DNAH10: variants seen among roughly 807,000 people sequenced by gnomAD.
The protein encoded by DNAH10 is dynein axonemal heavy chain 10.
A neutral mutation model predicts 506.6 loss-of-function variants in DNAH10; 348 were observed. That is an observed-to-expected ratio of 0.69 (90% confidence interval 0.63 to 0.75). The LOEUF (loss-of-function observed/expected upper bound fraction) is 0.75, where lower values mean the gene tolerates loss of function less well. Ranked by LOEUF, DNAH10 falls within the 30% of genes least tolerant of loss-of-function variation. DNAH10 has a pLI of 0.00. For synonymous variants in DNAH10, 2,059 were observed against 2,198.6 expected, an observed-to-expected ratio of 0.94 and a Z score of 1.78; for missense variants, 5,179 against 5,787.1, an observed-to-expected ratio of 0.89 and a Z score of 3.41.
chr12:123,772,663 G>A (rs544236198), intron 3 of DNAH10, among the ~76,000 whole-genome samples, 171 bp from the exon 4 acceptor site: 2 of 152,326 alleles, frequency 1.3e-5, no homozygotes, highest in African/African-American at 4.8e-5. Flanking sequence ...GAGTCTGGGT[G>A]CATTTAGCTC....
chr12:123,796,956 C>T (rs962381411), intron 13 of DNAH10, 124 bp downstream of exon 13: 66 of 816,750 alleles, frequency 8.1e-5, no homozygotes, highest in Non-Finnish European at 1.0e-4. Context: ...CTGCAACCTC[C>T]GCCTCCCAGG....
chr12:123,930,482 C>A lies in DNAH10; in HGVS notation c.12693C>A (p.Phe4231Leu). Residue 4231 changes from phenylalanine to leucine, a missense_variant, in exon 73 of 79, where the codon TTC becomes TTA. By Grantham distance (22) the Phe-to-Leu change is conservative. Around this residue, in one of 3 missense-constraint regions of DNAH10, gnomAD observed 4,844 missense variants for 5,430.5 expected, o/e 0.89. Transcript: ENST00000673944. The stretch of plus-strand genomic sequence containing the variant: ...ACATGGATGAGTACCTGGGGGACTT[C>A]ATTTTTGATACTTTCCAGCCATTCC... ...TIYMDEYLGD[F>L]IFDTFQPFHF... 1 of 1,611,484 alleles carries A rather than the reference C, an allele frequency of 6.2e-7. No individual in the cohort carries two copies. Among genetic ancestry groups the A allele is most frequent in the Non-Finnish European group, 8.5e-7 (1 of 1,179,180 alleles).
At chr12:123,897,675 T>C in intron 54 of DNAH10, 95 bp from the exon 55 acceptor site, 1 of 1,333,680 alleles carries the variant, frequency 7.5e-7, no homozygotes, top group Non-Finnish European at 1.0e-6. Context: ...CAGTGAGCCA[T>C]GATCACGCCA....
Position 123,802,512 on chromosome 12 carries a change from G to T in DNAH10, c.2614+1080G>T, listed in dbSNP as rs145700350. 1.1e-3 allele frequency among the ~76,000 whole-genome samples: 171 copies of T among 152,242 alleles called. 1 individual carries two copies. The highest frequency in any genetic ancestry group is 3.3e-3 in the African/African-American group (136 of 41,534). On this transcript the variant is annotated intron_variant, in intron 16 of 78. Coordinates refer to ENST00000673944, the MANE Select transcript of DNAH10 (RefSeq NM_001372106.1). The stretch of plus-strand genomic sequence containing the variant: ...GTAGAGATGGGGTTTTGCCATGTTG[G>T]CCAGGCTGATCTTGAACTCCTGGCC...
intron 18 of DNAH10, among the ~76,000 whole-genome samples, chr12:123,805,839 T>C (rs1269839590): frequency 2.0e-5 from 3 of 150,938 alleles, no homozygotes; most frequent in African/African-American, 4.9e-5. Flanking sequence ...TGCAGTGGCA[T>C]GATCTCGGCT....
At chr12:123,835,288 G>T (rs1594145895) in intron 27 of DNAH10, 118 bp from the exon 28 acceptor site, 1 of 1,183,136 alleles carries the variant, frequency 8.5e-7, no homozygotes, top group East Asian at 2.5e-5. Flanking sequence ...CACCTTGCCT[G>T]GAAGGTCCTC....
In DNAH10 at chr12:123,853,958, G is replaced by T. The variant is rs1951286062; in HGVS notation, c.6438+606G>T. Among the ~76,000 whole-genome samples the T allele has an allele frequency of 6.6e-6, 1 of 151,042 alleles. No homozygotes were observed. The highest frequency in any genetic ancestry group is 6.6e-5 in the Admixed American group (1 of 15,200). ...CGCACACGCACACACACACACATTTGGGTAGTAAAAAAAAAACAGCCGTGA... is the reference window on the plus strand; with the variant it reads ...CGCACACGCACACACACACACATTTTGGTAGTAAAAAAAAAACAGCCGTGA... On this transcript the variant is annotated intron_variant, in intron 36 of 78. Transcript: ENST00000673944. The surrounding 1 kb of genome is among the most constrained non-coding windows in gnomAD (Gnocchi z 4.7).
chr12:123,845,479 A>T, intron 30 of DNAH10, 121 bp from the exon 31 acceptor site: 1 of 1,332,414 alleles, frequency 7.5e-7, no homozygotes, highest in Non-Finnish European at 1.0e-6. Context: ...GCACTTGCTT[A>T]CCTAAAACCT....
At chr12:123,875,620 T>C in intron 47 of DNAH10, 129 bp downstream of exon 47, 1 of 1,151,408 alleles carries the variant, frequency 8.7e-7, no homozygotes, top group Non-Finnish European at 1.2e-6. Context: ...CCTATGAAAA[T>C]GTTTTAATTT....
At chr12:123,894,082 CTTTTTTTTTTTTTT>C (rs558490981) in intron 53 of DNAH10, among the ~76,000 whole-genome samples, 1 of 89,158 alleles carries the variant, frequency 1.1e-5, no homozygotes, top group Non-Finnish European at 2.2e-5. Context: ...AATGAGCATC[CTTTTTTTTTTTTTT>C]TTTTTTTTTT....
rs368131007 is a variant in DNAH10 at position 123,781,183 on chromosome 12, C to T, written c.725C>T (p.Pro242Leu). ...SNSSEHESDL[P>L]PMPGEAVEYH... ...TCCTCTGAGCATGAATCAGACCTGCCGCCCATGCCTGGGGAGGCAGTAGAA... is the reference window on the plus strand; with the variant it reads ...TCCTCTGAGCATGAATCAGACCTGCTGCCCATGCCTGGGGAGGCAGTAGAA... Residue 242 changes from proline (P) to leucine (L), a missense_variant, in exon 6 of 79, where the codon CCG (proline) becomes CTG (leucine). Physicochemically the swap from Pro to Leu is moderately conservative, Grantham distance 98. Coordinates refer to ENST00000673944, the MANE Select transcript of DNAH10 (RefSeq NM_001372106.1). 39 of 1,613,938 alleles carry T rather than the reference C, an allele frequency of 2.4e-5. No individual in the cohort carries two copies. The highest frequency in any genetic ancestry group is 1.2e-4 in the Admixed American group (7 of 59,994).
intron 52 of DNAH10, among the ~76,000 whole-genome samples, chr12:123,888,736 C>A (rs921840964): frequency 6.6e-6 from 1 of 152,184 alleles, no homozygotes; most frequent in African/African-American, 2.4e-5. Flanking sequence ...GAGATGCCAC[C>A]TACCTTATCC....
Position 123,913,255 on chromosome 12 carries a change from TG to T in DNAH10, c.10294del (p.Glu3432ArgfsTer4). 1 of 1,609,044 alleles carries T rather than the reference TG, an allele frequency of 6.2e-7. No individual in the cohort carries two copies. Among genetic ancestry groups the T allele is most frequent in the South Asian group, 1.1e-5 (1 of 90,156 alleles). On this transcript the variant is annotated frameshift_variant, in exon 60 of 79. Coordinates refer to ENST00000673944, the MANE Select transcript of DNAH10 (RefSeq NM_001372106.1). LOFTEE classifies it high-confidence loss of function. The surrounding 1 kb of genome is among the most constrained non-coding windows in gnomAD (Gnocchi z 5.1). ...AAGCTGCAGGAAGAAGCCGAGATCA[TG>T]GAGAGGCGGCTGATTGCCGCAGACA... ...KQKLQEEAEIMERRLIAADKL... is the reference protein window; with the variant it reads ...KQKLQEEAEIXERRLIAADKL...
intron 56 of DNAH10, among the ~76,000 whole-genome samples, chr12:123,901,847 G>C (rs980725978): frequency 1.3e-5 from 2 of 152,170 alleles, no homozygotes; most frequent in African/African-American, 4.8e-5. Context: ...TTTTAGTAGA[G>C]ACGGGGTTTC....
At chr12:123,930,707 G>A (rs1017840804) in intron 73 of DNAH10, 134 bp downstream of exon 73, 5 of 854,740 alleles carry the variant, frequency 5.8e-6, no homozygotes, top group Admixed American at 3.5e-5. Context: ...TAGGTGGCTC[G>A]GCAGACGCTT....
chr12:123,928,978 GTC>G lies in DNAH10; in HGVS notation c.12307-281_12307-280del, dbSNP rs35228838. ...TTTTGGAAAGGTTTTGTCATTCTCT[GTC>G]TCTCTCTCTCTCTCTGGGGAGGTGG... On this transcript the variant is annotated intron_variant, in intron 70 of 78. Coordinates refer to ENST00000673944, the MANE Select transcript of DNAH10 (RefSeq NM_001372106.1). The surrounding 1 kb of genome is among the most constrained non-coding windows in gnomAD (Gnocchi z 4.9). The G allele has an allele frequency of 0.043, 18,745 of 433,676 alleles. No individual in the cohort carries two copies. The highest frequency in any genetic ancestry group is 0.074 in the South Asian group (2,045 of 27,494). 26.9% of individuals were successfully genotyped at this position (433,676 alleles called of 1,614,324 possible).
intron 66 of DNAH10, 92 bp from the exon 67 acceptor site, chr12:123,924,186 G>T: frequency 1.1e-5 from 16 of 1,452,876 alleles, no homozygotes; most frequent in Non-Finnish European, 1.5e-5. Flanking sequence ...TTGAAAAGTG[G>T]ACTTTTCCCA....
In DNAH10 at chr12:123,846,836, A is replaced by G. The variant is rs1284637060; in HGVS notation, c.5814+682A>G. On this transcript the variant is annotated intron_variant, in intron 32 of 78. Transcript: ENST00000673944. The surrounding 1 kb of genome is among the most constrained non-coding windows in gnomAD (Gnocchi z 4.5). The stretch of plus-strand genomic sequence containing the variant: ...GCTCACAGTTTCTCAGCTGTGACTC[A>G]TACCCACTGTGGATGTGGCATGCAC... Among the ~76,000 whole-genome samples, 1 of 152,094 alleles carries G rather than the reference A, an allele frequency of 6.6e-6. No homozygotes were observed. The highest frequency in any genetic ancestry group is 2.4e-5 in the African/African-American group (1 of 41,402).
intron 15 of DNAH10, among the ~76,000 whole-genome samples, chr12:123,800,795 G>C (rs1313264318): frequency 6.6e-6 from 1 of 152,120 alleles, no homozygotes; most frequent in Non-Finnish European, 1.5e-5. Flanking sequence ...GAGGCGGGCA[G>C]ATCATGAGGT....
Sources: gnomAD v4.1 joint callset for allele counts (sites outside exome capture counted in the v4.1 genomes callset) on GRCh38, gnomAD v4.1.1 for gene constraint, gnomAD v4.1.1 regional missense constraint, Gnocchi (gnomAD v3.1) non-coding constraint, MANE v1.5 for transcripts, NCBI Gene and HGNC (gene_info 2026-07-23, HGNC 2026-07-21) for gene names.